Variants in SPATA6 observed in about 807,000 individuals in gnomAD.
The protein encoded by SPATA6 is spermatogenesis-associated protein 6.
SPATA6 carries 56 observed loss-of-function variants against 65.3 expected under a neutral mutation model. The ratio of observed to expected loss-of-function variants is 0.86; its 90% confidence interval spans 0.69 to 1.07. SPATA6 has a LOEUF of 1.07. Ranked by LOEUF, SPATA6 falls within the 50% of genes least tolerant of loss-of-function variation. SPATA6 has a pLI of 0.00. For synonymous variants in SPATA6, 199 were observed against 213.2 expected (o/e 0.93, Z 0.58); for missense variants, 590 against 594.8 (o/e 0.99, Z 0.08).
At chr1:48,268,808 C>G in the SPATA6 span, among the ~76,000 whole-genome samples, 1 of 152,138 alleles carries the variant, frequency 6.6e-6, no homozygotes, top group African/African-American at 2.4e-5. Flanking sequence ...AGGCAGCTGT[C>G]TATGCCTGGA....
intron 3 of SPATA6, among the ~76,000 whole-genome samples, chr1:48,415,424 GGTTTTT>G (rs1652670054): frequency 6.6e-6 from 1 of 151,794 alleles, no homozygotes; most frequent in African/African-American, 2.4e-5. Flanking sequence ...TGGTGTTTTT[GGTTTTT>G]GTTTTTGTTT....
At chr1:48,275,614 TTGTTTC>T in the SPATA6 span, among the ~76,000 whole-genome samples, 2 of 152,220 alleles carry the variant, frequency 1.3e-5, no homozygotes, top group Non-Finnish European at 2.9e-5. Flanking sequence ...GTTTTTGTCA[TTGTTTC>T]TGTTTCTGTG....
intron 11 of SPATA6, chr1:48,325,494 T>C (rs933610616): frequency 4.9e-6 from 6 of 1,230,834 alleles, no homozygotes; most frequent in Middle Eastern, 1.9e-4. Context: ...ATTCTCTGAG[T>C]TGATGATCTC....
chr1:48,455,591 A>T (rs1042511541), intron 1 of SPATA6, among the ~76,000 whole-genome samples: 1 of 152,152 alleles, frequency 6.6e-6, no homozygotes, highest in African/African-American at 2.4e-5. Context: ...CGTGTTAGCC[A>T]GGACGGTCTC....
intron 11 of SPATA6, among the ~76,000 whole-genome samples, chr1:48,306,410 G>C (rs545888073): frequency 6.6e-6 from 1 of 152,010 alleles, no homozygotes; most frequent in Non-Finnish European, 1.5e-5. Context: ...GAAAATATAT[G>C]GTTACCCCCA....
chr1:48,264,214 C>A, the SPATA6 span, among the ~76,000 whole-genome samples: 1 of 152,092 alleles, frequency 6.6e-6, no homozygotes, highest in Non-Finnish European at 1.5e-5. Context: ...AATGGAAACC[C>A]ATTATTTGAG....
intron 3 of SPATA6, among the ~76,000 whole-genome samples, chr1:48,420,436 G>C (rs1463733645): frequency 1.3e-5 from 2 of 152,104 alleles, no homozygotes; most frequent in Non-Finnish European, 2.9e-5. Context: ...CCTGGACTTG[G>C]GCCTGCTGTC....
intron 9 of SPATA6, among the ~76,000 whole-genome samples, chr1:48,365,971 A>G (rs1646994306): frequency 6.6e-6 from 1 of 152,258 alleles, no homozygotes; most frequent in South Asian, 2.1e-4. Context: ...ACGTCCCATC[A>G]ATACCTAATC....
chr1:48,438,909 G>A (rs898305793), intron 3 of SPATA6, among the ~76,000 whole-genome samples: 2 of 152,134 alleles, frequency 1.3e-5, no homozygotes, highest in Non-Finnish European at 2.9e-5. Flanking sequence ...TGGAATTTTA[G>A]GATCCTTCCT....
intron 3 of SPATA6, among the ~76,000 whole-genome samples, chr1:48,437,778 G>C (rs1009703991): frequency 1.6e-4 from 24 of 147,302 alleles, no homozygotes; most frequent in Non-Finnish European, 3.6e-4. Context: ...AATATATACA[G>C]AAATTGTAAT....
At chr1:48,329,446 C>A (rs1645852294) in intron 11 of SPATA6, among the ~76,000 whole-genome samples, 1 of 152,132 alleles carries the variant, frequency 6.6e-6, no homozygotes, top group African/African-American at 2.4e-5. Context: ...GTAAAAGCGA[C>A]ACAAACTGTT....
chr1:48,396,815 A>G (rs1650638349), intron 7 of SPATA6, among the ~76,000 whole-genome samples: 1 of 151,666 alleles, frequency 6.6e-6, no homozygotes, highest in Non-Finnish European at 1.5e-5. Context: ...TCAGTTTAGC[A>G]AGATGAAAAA....
At chr1:48,315,036 T>G (rs1390102306) in intron 11 of SPATA6, among the ~76,000 whole-genome samples, 1 of 152,090 alleles carries the variant, frequency 6.6e-6, no homozygotes, top group Non-Finnish European at 1.5e-5. Context: ...GCTCTGAAAT[T>G]GAGGCAATAA....
intron 11 of SPATA6, among the ~76,000 whole-genome samples, chr1:48,327,956 G>T (rs912693409): frequency 6.6e-6 from 1 of 152,042 alleles, no homozygotes; most frequent in African/African-American, 2.4e-5. Flanking sequence ...AACATAGAAT[G>T]TACCTCCTGA....
chr1:48,282,189 T>A, the SPATA6 span, among the ~76,000 whole-genome samples: 1 of 152,166 alleles, frequency 6.6e-6, no homozygotes, highest in South Asian at 2.1e-4. Context: ...TAATTCAAGA[T>A]GGATTAAAGA....
At chr1:48,370,106 T>C (rs577966512) in intron 9 of SPATA6, among the ~76,000 whole-genome samples, 4 of 152,268 alleles carry the variant, frequency 2.6e-5, no homozygotes, top group Non-Finnish European at 5.9e-5. Flanking sequence ...AACCTCAAGG[T>C]CAAATTAGTG....
At chr1:48,436,571 GCCTGTC>G in intron 3 of SPATA6, 1 of 1,612,810 alleles carries the variant, frequency 6.2e-7, no homozygotes, top group Non-Finnish European at 8.5e-7. Flanking sequence ...ACCCTCTCTG[GCCTGTC>G]CCATCTGCAT....
intron 9 of SPATA6, among the ~76,000 whole-genome samples, chr1:48,376,922 T>C (rs894250566): frequency 4.6e-5 from 7 of 152,164 alleles, no homozygotes; most frequent in African/African-American, 1.7e-4. Context: ...ACAACAAAAA[T>C]AGACATTATA....
At chr1:48,446,745 C>G (rs949717663) in intron 3 of SPATA6, among the ~76,000 whole-genome samples, 2 of 152,090 alleles carry the variant, frequency 1.3e-5, no homozygotes, top group African/African-American at 4.8e-5. Context: ...ATACCTTTCT[C>G]TTAGTAATCA....
Sources: gnomAD v4.1 joint callset for allele counts (sites outside exome capture counted in the v4.1 genomes callset) on GRCh38, gnomAD v4.1.1 for gene constraint, MANE v1.5 for transcripts, NCBI Gene and HGNC (gene_info 2026-07-23, HGNC 2026-07-21) for gene names.